Variants in GRM3 observed in about 807,000 individuals in gnomAD.
GRM3 encodes glutamate metabotropic receptor 3.
GRM3 carries 26 observed loss-of-function variants against 70.5 expected under a neutral mutation model. The observed-to-expected ratio is 0.37, with a 90% CI of 0.27 to 0.51. The LOEUF is 0.51. Ranked by LOEUF, GRM3 falls within the 20% of genes least tolerant of loss-of-function variation. The pLI, the probability that GRM3 is intolerant of heterozygous loss-of-function variation, is 0.93. For missense variants in GRM3, 859 were observed against 1,123.8 expected (o/e 0.76, Z 3.37); for synonymous variants, 443 against 434.9 (o/e 1.02, Z -0.23).
At position 86,844,005 on chromosome 7, in the gene GRM3, T is replaced by C. The variant is rs535268017; in HGVS notation, c.2391+4100T>C. On this transcript the variant is annotated intron_variant, in intron 4 of 5. Coordinates refer to ENST00000361669, the MANE Select transcript of GRM3 (RefSeq NM_000840.3). Reference sequence around the variant, plus strand: ...TCGATATCAGCAAGCTCCCAGGAAATGGAGATGCTACTAGACTAAGGACCA... The same window carrying C: ...TCGATATCAGCAAGCTCCCAGGAAACGGAGATGCTACTAGACTAAGGACCA... Among the ~76,000 whole-genome samples, 11 of 152,172 alleles carry C rather than the reference T, an allele frequency of 7.2e-5. No individual in the cohort carries two copies. In the South Asian group the frequency reaches 1.9e-3, roughly 26 times the overall value.
chr7:86,651,987 T>A (rs771869337), intron 1 of GRM3, among the ~76,000 whole-genome samples: 10 of 152,200 alleles, frequency 6.6e-5, no homozygotes, highest in Non-Finnish European at 1.5e-4. Context: ...TCTGAATTTA[T>A]AGGCTCATTT....
chr7:86,708,628 A>C (rs1010073494), intron 1 of GRM3, among the ~76,000 whole-genome samples: 1 of 152,106 alleles, frequency 6.6e-6, no homozygotes, highest in African/African-American at 2.4e-5. Flanking sequence ...CCAGAGCTGG[A>C]TTTAAACACA....
intron 3 of GRM3, among the ~76,000 whole-genome samples, chr7:86,808,420 C>A (rs1797840843): frequency 6.6e-6 from 1 of 151,850 alleles, no homozygotes; most frequent in Non-Finnish European, 1.5e-5. Context: ...TTACATAAGT[C>A]CCAGCCTTAG....
At chr7:86,763,724 C>A (rs1796534099) in intron 1 of GRM3, among the ~76,000 whole-genome samples, 1 of 152,096 alleles carries the variant, frequency 6.6e-6, no homozygotes, top group Non-Finnish European at 1.5e-5. Context: ...TGAGGAGTTG[C>A]CTCACTCTGG....
chr7:86,841,059 G>A lies in GRM3; in HGVS notation c.2391+1154G>A, dbSNP rs575275675. Among the ~76,000 whole-genome samples, 3 of 152,238 alleles carry A rather than the reference G, an allele frequency of 2.0e-5. 1 individual carries two copies. The highest frequency in any genetic ancestry group is 7.2e-5 in the African/African-American group (3 of 41,546). On this transcript the variant is annotated intron_variant, in intron 4 of 5. Transcript: ENST00000361669. Reference sequence around the variant, plus strand: ...AAAAATGGTAAGTATGTGAAGTAATGCATATGTTAATTAGCTCTATTTACC... The same window carrying A: ...AAAAATGGTAAGTATGTGAAGTAATACATATGTTAATTAGCTCTATTTACC...
At chr7:86,712,747 G>A (rs1795227324) in intron 1 of GRM3, among the ~76,000 whole-genome samples, 1 of 151,930 alleles carries the variant, frequency 6.6e-6, no homozygotes, top group Non-Finnish European at 1.5e-5. Context: ...GTCTTTGTGT[G>A]TTTGTCTTAT....
intron 3 of GRM3, among the ~76,000 whole-genome samples, chr7:86,831,931 AG>A (rs1368220590): frequency 3.3e-5 from 5 of 152,054 alleles, no homozygotes; most frequent in Non-Finnish European, 7.4e-5. Context: ...GCTTTGTCCC[AG>A]CTGTTATACT....
At chr7:86,819,988 G>A (rs1474387083) in intron 3 of GRM3, among the ~76,000 whole-genome samples, 2 of 152,062 alleles carry the variant, frequency 1.3e-5, no homozygotes, top group African/African-American at 4.8e-5. Flanking sequence ...GTTCCCAGAT[G>A]GCCACATTGA....
intron 4 of GRM3, among the ~76,000 whole-genome samples, chr7:86,847,667 T>A (rs1313402121): frequency 6.6e-6 from 1 of 152,120 alleles, no homozygotes; most frequent in Non-Finnish European, 1.5e-5. Flanking sequence ...GAGGGAAAGA[T>A]GTGTCCAGGA....
chr7:86,766,983 G>T (rs112695792), intron 2 of GRM3, among the ~76,000 whole-genome samples: 1 of 152,146 alleles, frequency 6.6e-6, no homozygotes, highest in Non-Finnish European at 1.5e-5. Flanking sequence ...GGCTGAGGCA[G>T]GCAGATCACC....
intron 1 of GRM3, among the ~76,000 whole-genome samples, chr7:86,722,616 G>A (rs1037205173): frequency 6.7e-6 from 1 of 149,484 alleles, no homozygotes. Context: ...GGGGTGGGGG[G>A]CTAGGAGAGG....
chr7:86,680,497 T>C (rs1794416861), intron 1 of GRM3, among the ~76,000 whole-genome samples: 1 of 152,132 alleles, frequency 6.6e-6, no homozygotes, highest in Non-Finnish European at 1.5e-5. Flanking sequence ...TCCACAGTTT[T>C]TACTATAGGT....
intron 1 of GRM3, among the ~76,000 whole-genome samples, chr7:86,664,339 G>T (rs1321720561): frequency 2.0e-5 from 3 of 151,744 alleles, no homozygotes; most frequent in Non-Finnish European, 4.4e-5. Flanking sequence ...CAATGACTTG[G>T]TGGTATATCG....
At chr7:86,849,114 C>T (rs1422548494) in intron 4 of GRM3, among the ~76,000 whole-genome samples, 1 of 152,128 alleles carries the variant, frequency 6.6e-6, no homozygotes, top group Non-Finnish European at 1.5e-5. Flanking sequence ...TCTCTGATAT[C>T]CTTCACACTG....
At chr7:86,811,257 G>T (rs1162105132) in intron 3 of GRM3, among the ~76,000 whole-genome samples, 1 of 151,428 alleles carries the variant, frequency 6.6e-6, no homozygotes, top group African/African-American at 2.4e-5. Flanking sequence ...CTGAAGGGCT[G>T]GAAAAAACAT....
intron 1 of GRM3, among the ~76,000 whole-genome samples, chr7:86,729,871 G>T (rs896747266): frequency 1.3e-5 from 2 of 152,106 alleles, no homozygotes; most frequent in Non-Finnish European, 2.9e-5. Context: ...ACTTTGGGAG[G>T]CTGAGGTGGG....
chr7:86,717,005 C>A (rs549787402), intron 1 of GRM3, among the ~76,000 whole-genome samples: 4 of 152,024 alleles, frequency 2.6e-5, no homozygotes, highest in African/African-American at 9.6e-5. Context: ...TGTACTTGAG[C>A]TAATTATTTG....
chr7:86,682,911 ATAAAG>A (rs1476081622), intron 1 of GRM3, among the ~76,000 whole-genome samples: 1 of 152,190 alleles, frequency 6.6e-6, no homozygotes, highest in African/African-American at 2.4e-5. Flanking sequence ...CAGGCAAGAG[ATAAAG>A]TAGAGAAAAA....
At chr7:86,796,538 C>A (rs1171769151) in intron 3 of GRM3, among the ~76,000 whole-genome samples, 5 of 152,116 alleles carry the variant, frequency 3.3e-5, no homozygotes, top group Non-Finnish European at 7.4e-5. Flanking sequence ...ACTCTCTTGG[C>A]TATATGGGCT....
Sources: allele counts gnomAD v4.1 joint callset (sites outside exome capture counted in the v4.1 genomes callset), GRCh38; gene constraint gnomAD v4.1.1; transcripts MANE v1.5; gene names NCBI Gene and HGNC (gene_info 2026-07-23, HGNC 2026-07-21).